Variants in UGGT2 observed in about 807,000 individuals in gnomAD.
UGGT2 encodes UDP-glucose glycoprotein glucosyltransferase 2, also known as UDP-glucose:glycoprotein glucosyltransferase 2.
Under a neutral mutation model 192.1 loss-of-function variants are expected in UGGT2, and 180 were observed. That is an observed-to-expected ratio of 0.94 (90% CI 0.83 to 1.06). The LOEUF (loss-of-function observed/expected upper bound fraction) is 1.06. Ranked by LOEUF, UGGT2 falls within the 50% of genes least tolerant of loss-of-function variation. The probability of loss-of-function intolerance (pLI) is 0.00; values close to 1 mark genes in which losing one functional copy is unlikely to be tolerated. For synonymous variants in UGGT2, 580 were observed against 591.0 expected (o/e 0.98, Z 0.27); for missense variants, 1,849 against 1,795.7 (o/e 1.03, Z -0.54).
intron 27 of UGGT2, among the ~76,000 whole-genome samples, chr13:95,881,652 T>A (rs1229122153): frequency 6.6e-6 from 1 of 152,242 alleles, no homozygotes; most frequent in Admixed American, 6.5e-5. Flanking sequence ...TGCATTTTTC[T>A]GTGAATTCAC....
intron 30 of UGGT2, among the ~76,000 whole-genome samples, chr13:95,866,645 G>T (rs1352065219): frequency 6.6e-6 from 1 of 152,054 alleles, no homozygotes; most frequent in Non-Finnish European, 1.5e-5. Flanking sequence ...ATTGTAGAGG[G>T]TCTTCTAATA....
intron 38 of UGGT2, among the ~76,000 whole-genome samples, chr13:95,812,588 A>G (rs1434059286): frequency 2.6e-5 from 4 of 152,086 alleles, no homozygotes; most frequent in Non-Finnish European, 5.9e-5. Context: ...TTTTGTCCCC[A>G]TCTATATCTC....
intron 1 of UGGT2, among the ~76,000 whole-genome samples, chr13:96,043,602 T>C (rs2053225443): frequency 6.6e-6 from 1 of 152,042 alleles, no homozygotes; most frequent in Non-Finnish European, 1.5e-5. Context: ...TCACCAACCA[T>C]CTGCTGTCTT....
intron 4 of UGGT2, among the ~76,000 whole-genome samples, chr13:96,022,335 CTG>C (rs529905172): frequency 1.3e-4 from 19 of 151,784 alleles, no homozygotes; most frequent in Non-Finnish European, 2.2e-4. Flanking sequence ...TCGGGAAAAA[CTG>C]TTAGTATAAA....
At chr13:95,996,826 T>C (rs1004254400) in intron 6 of UGGT2, among the ~76,000 whole-genome samples, 14 of 152,144 alleles carry the variant, frequency 9.2e-5, no homozygotes, top group African/African-American at 3.4e-4. Flanking sequence ...CCTTTAAAGA[T>C]AATCAAGGAA....
In UGGT2 at chr13:95,824,094, T is replaced by C. The variant is rs375431026; in HGVS notation, c.4528+8833A>G. On this transcript the variant is annotated intron_variant, in intron 38 of 38. Transcript: ENST00000376747. ...AAATTCTTGACTAACAGTTATTCTG[T>C]TTAAGGAGGCTAAAGATAGGACCCC... Among the ~76,000 whole-genome samples the C allele has an allele frequency of 7.9e-5, 12 of 152,248 alleles. No individual in the cohort carries two copies. The East Asian group carries it at 1.5e-3, about 20-fold the overall frequency.
intron 38 of UGGT2, among the ~76,000 whole-genome samples, chr13:95,813,638 G>A (rs1428177646): frequency 6.6e-6 from 1 of 152,204 alleles, no homozygotes; most frequent in East Asian, 1.9e-4. Context: ...AAGAATCCAA[G>A]CAAGCTGTGG....
chr13:95,813,664 G>A (rs967472689), intron 38 of UGGT2, among the ~76,000 whole-genome samples: 3 of 152,192 alleles, frequency 2.0e-5, no homozygotes, highest in African/African-American at 7.2e-5. Flanking sequence ...CCACTTGCTA[G>A]AGATATTCGC....
intron 25 of UGGT2, among the ~76,000 whole-genome samples, chr13:95,888,863 G>A (rs146148718): frequency 6.6e-6 from 1 of 151,326 alleles, no homozygotes; most frequent in Non-Finnish European, 1.5e-5. Flanking sequence ...GCCAAGGCTA[G>A]ACTGCAGTGG....
chr13:95,989,024 G>A (rs1288425945), intron 8 of UGGT2, among the ~76,000 whole-genome samples: 1 of 152,086 alleles, frequency 6.6e-6, no homozygotes, highest in African/African-American at 2.4e-5. Context: ...AAAGTAGATT[G>A]GTGGTTGCCT....
chr13:95,875,346 T>C (rs2140151734), intron 29 of UGGT2, among the ~76,000 whole-genome samples: 1 of 152,320 alleles, frequency 6.6e-6, no homozygotes, highest in African/African-American at 2.4e-5. Context: ...CTTTGTCAGA[T>C]ATATGCTTTG....
At chr13:95,863,425 T>G in intron 31 of UGGT2, 1 of 417,530 alleles carries the variant, frequency 2.4e-6, no homozygotes, top group Non-Finnish European at 4.3e-6. Flanking sequence ...TTTTTCTCCA[T>G]TGGTTTGTAT....
rs1436973888 is a variant in UGGT2 at position 95,859,625 on chromosome 13, C to T, written c.3791G>A (p.Trp1264Ter). The change falls in exon 33 of 39, where the codon TGG (tryptophan) becomes TAG (stop). Residue 1264 changes from tryptophan to a stop codon, truncating the protein, a stop_gained. Coordinates refer to ENST00000376747, the MANE Select transcript of UGGT2 (RefSeq NM_020121.4). LOFTEE classifies it high-confidence loss of function. ...CGGTGAGAGATAATTTTTTAGCAAC[C>T]AGAATTTCACTGGTGTTTTGGTGTT... ...LRNTKTPVKF[W>*]LLKNYLSPTF... 3 of 1,609,964 alleles carry T rather than the reference C, an allele frequency of 1.9e-6. No homozygotes were observed. The highest frequency in any genetic ancestry group is 2.5e-6 in the Non-Finnish European group (3 of 1,177,990).
intron 38 of UGGT2, among the ~76,000 whole-genome samples, chr13:95,803,868 A>C (rs1027086123): frequency 6.6e-6 from 1 of 152,218 alleles, no homozygotes; most frequent in South Asian, 2.1e-4. Flanking sequence ...CCAGTAACAA[A>C]AGAAAAAAGG....
intron 20 of UGGT2, among the ~76,000 whole-genome samples, chr13:95,918,110 T>C: frequency 6.6e-6 from 1 of 152,236 alleles, no homozygotes; most frequent in East Asian, 1.9e-4. Flanking sequence ...ACATGGCACT[T>C]ACTCTAAAAT....
chr13:95,887,375 G>A, intron 26 of UGGT2: 1 of 483,084 alleles, frequency 2.1e-6, no homozygotes, highest in Admixed American at 2.2e-5. Context: ...AGAAGAGAAA[G>A]GGTATATTTT....
At chr13:96,030,310 T>C (rs372085841) in intron 2 of UGGT2, among the ~76,000 whole-genome samples, 7 of 152,372 alleles carry the variant, frequency 4.6e-5, no homozygotes, top group African/African-American at 1.7e-4. Context: ...TGTACATCAC[T>C]GTTTTGCTGT....
chr13:95,905,116 G>A (rs1444745097), intron 20 of UGGT2, among the ~76,000 whole-genome samples: 6 of 152,072 alleles, frequency 3.9e-5, no homozygotes, highest in Non-Finnish European at 8.8e-5. Flanking sequence ...GTCTGTTCAT[G>A]TCCTTCGCCC....
At chr13:95,817,527 G>A (rs1885029123) in intron 38 of UGGT2, among the ~76,000 whole-genome samples, 1 of 152,144 alleles carries the variant, frequency 6.6e-6, no homozygotes, top group Non-Finnish European at 1.5e-5. Flanking sequence ...AGGCTGCAGT[G>A]AGCTATGATT....
Sources: allele counts gnomAD v4.1 joint callset (sites outside exome capture counted in the v4.1 genomes callset), GRCh38; gene constraint gnomAD v4.1.1; transcripts MANE v1.5; gene names NCBI Gene and HGNC (gene_info 2026-07-23, HGNC 2026-07-21).